The following LDLRAD4 variants were observed in gnomAD, a reference collection of about 807,000 sequenced individuals.
LDLRAD4 encodes the protein low-density lipoprotein receptor class A domain-containing protein 4.
Under a neutral mutation model 17.0 loss-of-function variants are expected in LDLRAD4, and 5 were observed. That is an observed-to-expected ratio of 0.29 (90% CI 0.15 to 0.62). LDLRAD4 has a LOEUF of 0.62. LDLRAD4 is among the 20% of genes least tolerant of loss of function. LDLRAD4 has a pLI of 0.84. For missense variants in LDLRAD4, 340 were observed against 424.7 expected, an observed-to-expected ratio of 0.80 and a Z score of 1.75; for synonymous variants, 168 against 171.8, an observed-to-expected ratio of 0.98 and a Z score of 0.17.
At chr18:13,375,518 G>A (rs1462198180) in intron 1 of LDLRAD4, among the ~76,000 whole-genome samples, 1 of 152,182 alleles carries the variant, frequency 6.6e-6, no homozygotes, top group African/African-American at 2.4e-5. Flanking sequence ...TGGAAATGAG[G>A]GCCTGCTGGG....
exon 6 of LDLRAD4, chr18:13,651,013 C>A (rs1011015078): frequency 6.6e-6 from 1 of 152,204 alleles, no homozygotes; most frequent in Admixed American, 6.5e-5. Flanking sequence ...TGCCACTAGA[C>A]GCTTCTTATT....
At chr18:13,376,537 C>G (rs558061984) in intron 1 of LDLRAD4, among the ~76,000 whole-genome samples, 1 of 152,290 alleles carries the variant, frequency 6.6e-6, no homozygotes, top group African/African-American at 2.4e-5. Flanking sequence ...ACAGACAGAT[C>G]CTTTCAGCAT....
chr18:13,634,937 GGTCAA>G (rs1945707459), intron 4 of LDLRAD4, among the ~76,000 whole-genome samples: 1 of 152,128 alleles, frequency 6.6e-6, no homozygotes, highest in South Asian at 2.1e-4. Flanking sequence ...TCAAATATAT[GGTCAA>G]GTAATTTTCA....
chr18:13,456,990 G>A (rs2092170198), intron 3 of LDLRAD4, among the ~76,000 whole-genome samples: 1 of 152,240 alleles, frequency 6.6e-6, no homozygotes, highest in African/African-American at 2.4e-5. Flanking sequence ...TTCCTCTGGT[G>A]TGAGAGCAGA....
Position 13,507,326 on chromosome 18 carries a change from C to A in LDLRAD4, c.181+68942C>A, listed in dbSNP as rs190258695. On this transcript the variant is annotated intron_variant, in intron 3 of 5. Transcript: ENST00000359446. ...CTTTTATCTCTTACCCTCCTCCCAA[C>A]TTCCCCGCGAAGTCCCCATAGTCCA... Among the ~76,000 whole-genome samples, 13 of 152,278 alleles carry A rather than the reference C, an allele frequency of 8.5e-5. No individual in the cohort carries two copies. The East Asian group carries it at 2.3e-3, about 27-fold the overall frequency.
intron 3 of LDLRAD4, among the ~76,000 whole-genome samples, chr18:13,567,865 A>T (rs2094628009): frequency 6.6e-6 from 1 of 152,188 alleles, no homozygotes; most frequent in Non-Finnish European, 1.5e-5. Flanking sequence ...GTCTTGGCTT[A>T]TTGGAAATAA....
Position 13,237,566 on chromosome 18 carries a change from T to C in LDLRAD4, c.-467+18578T>C, listed in dbSNP as rs118048010. Among the ~76,000 whole-genome samples the C allele has an allele frequency of 2.0e-5, 3 of 152,316 alleles. No individual in the cohort carries two copies. In the East Asian group the frequency reaches 5.8e-4, roughly 29 times the overall value. On this transcript the variant is annotated intron_variant, in intron 1 of 5. Coordinates refer to the LDLRAD4 transcript ENST00000399848. ...GTGATCTGTTCAGTGGAAAAAGCAG[T>C]TAGTTCGAAGACATTCAGGGAACGT... is the stretch of plus-strand genomic sequence containing the variant.
At chr18:13,577,359 C>T (rs978709780) in intron 3 of LDLRAD4, among the ~76,000 whole-genome samples, 2 of 152,180 alleles carry the variant, frequency 1.3e-5, no homozygotes, top group African/African-American at 2.4e-5. Context: ...CCTGCAGCGG[C>T]AGTCCTGAGT....
intron 3 of LDLRAD4, among the ~76,000 whole-genome samples, chr18:13,562,435 A>G (rs1200360621): frequency 6.6e-6 from 1 of 152,192 alleles, no homozygotes; most frequent in Admixed American, 6.5e-5. Context: ...ATTTGTTTAC[A>G]TTTTTTAAAT....
intron 3 of LDLRAD4, among the ~76,000 whole-genome samples, chr18:13,482,191 G>A (rs2093106247): frequency 6.6e-6 from 1 of 152,138 alleles, no homozygotes; most frequent in Admixed American, 6.5e-5. Context: ...GTGCCTGGGG[G>A]CATATCAGGT....
chr18:13,396,596 G>C (rs1446607264), intron 2 of LDLRAD4, among the ~76,000 whole-genome samples: 2 of 152,124 alleles, frequency 1.3e-5, no homozygotes, highest in Non-Finnish European at 2.9e-5. Context: ...TGATCCTCCC[G>C]TCTTGGCCTC....
At chr18:13,314,729 A>T (rs1175339640) in intron 1 of LDLRAD4, among the ~76,000 whole-genome samples, 6 of 152,210 alleles carry the variant, frequency 3.9e-5, no homozygotes. Flanking sequence ...GGGCTGGGAG[A>T]CAAAACGTAG....
chr18:13,530,836 T>G, intron 3 of LDLRAD4, among the ~76,000 whole-genome samples: 1 of 104,384 alleles, frequency 9.6e-6, no homozygotes, highest in Non-Finnish European at 1.7e-5. Flanking sequence ...CCATAGCATT[T>G]GGTGAGCAGC....
In LDLRAD4 at chr18:13,367,699, C is replaced by T. The variant is rs1027161992; in HGVS notation, c.-382-19642C>T. On this transcript the variant is annotated intron_variant, in intron 1 of 5. Coordinates refer to ENST00000359446, the Ensembl canonical transcript of LDLRAD4. The surrounding 1 kb of genome is among the most constrained non-coding windows in gnomAD (Gnocchi z 4.1). Reference sequence around the variant, plus strand: ...GGGGACAGCCGGGCACGGGGGCACACGTTGTCAAGGGATATACCGAGAGGA... The same window carrying T: ...GGGGACAGCCGGGCACGGGGGCACATGTTGTCAAGGGATATACCGAGAGGA... Among the ~76,000 whole-genome samples the T allele has an allele frequency of 2.0e-5, 3 of 151,572 alleles. No individual in the cohort carries two copies. Among genetic ancestry groups the T allele is most frequent in the South Asian group, 2.1e-4 (1 of 4,750 alleles).
chr18:13,504,376 A>G (rs146364603), intron 3 of LDLRAD4, among the ~76,000 whole-genome samples: 243 of 152,350 alleles, frequency 1.6e-3, no homozygotes, highest in African/African-American at 5.7e-3. Context: ...TTGCAAACTC[A>G]GAGAGAACTA....
chr18:13,441,896 A>G (rs920261501), intron 3 of LDLRAD4, among the ~76,000 whole-genome samples: 1 of 152,162 alleles, frequency 6.6e-6, no homozygotes. Context: ...TTCTGCTGAG[A>G]GACCAAAGGG....
At position 13,507,024 on chromosome 18, in the gene LDLRAD4, C is replaced by T. The variant is rs556611183; in HGVS notation, c.181+68640C>T. ...GCAACCTCACATGGAGCAAGTCTCT[C>T]AGTGCCATCTTCTCAGTAGCATGGG... On this transcript the variant is annotated intron_variant, in intron 3 of 5. Coordinates refer to ENST00000359446, the Ensembl canonical transcript of LDLRAD4. Among the ~76,000 whole-genome samples, 3 of 152,356 alleles carry T rather than the reference C, an allele frequency of 2.0e-5. No individual in the cohort carries two copies. The South Asian group carries it at 6.2e-4, about 32-fold the overall frequency.
intron 3 of LDLRAD4, among the ~76,000 whole-genome samples, chr18:13,549,922 G>A (rs2094413184): frequency 6.6e-6 from 1 of 152,168 alleles, no homozygotes. Context: ...TTGGGCAAGA[G>A]TCTTCATTTC....
At chr18:13,352,535 T>C (rs1423551825) in intron 1 of LDLRAD4, among the ~76,000 whole-genome samples, 3 of 152,264 alleles carry the variant, frequency 2.0e-5, no homozygotes, top group Non-Finnish European at 4.4e-5. Context: ...ATTCGGTCTT[T>C]TGACAGTTTG....
Sources: gnomAD v4.1 joint callset for allele counts (sites outside exome capture counted in the v4.1 genomes callset) on GRCh38, gnomAD v4.1.1 for gene constraint, Gnocchi (gnomAD v3.1) non-coding constraint, MANE v1.5 for transcripts, NCBI Gene and HGNC (gene_info 2026-07-23, HGNC 2026-07-21) for gene names.